The following MYO5B variants were observed in gnomAD, a reference collection of about 807,000 sequenced individuals.
The protein encoded by MYO5B is unconventional myosin-Vb.
MYO5B carries 143 observed loss-of-function variants against 229.3 expected under a neutral mutation model. The ratio of observed to expected loss-of-function variants is 0.62; its 90% confidence interval spans 0.54 to 0.72. The LOEUF (loss-of-function observed/expected upper bound fraction) is 0.72. MYO5B is among the 30% of genes least tolerant of loss of function. The pLI is 0.00. For synonymous variants in MYO5B, 918 were observed against 885.2 expected, an observed-to-expected ratio of 1.04 and a Z score of -0.66; for missense variants, 2,321 against 2,331.0, an observed-to-expected ratio of 1.00 and a Z score of 0.09.
At chr18:50,187,899 C>T (rs749586156) in intron 1 of MYO5B, among the ~76,000 whole-genome samples, 1 of 152,044 alleles carries the variant, frequency 6.6e-6, no homozygotes, top group Non-Finnish European at 1.5e-5. Context: ...GAGCTACAAC[C>T]CTAAAGGCAA....
At chr18:50,093,646 G>A (rs1254596457) in intron 1 of MYO5B, among the ~76,000 whole-genome samples, 2 of 152,114 alleles carry the variant, frequency 1.3e-5, no homozygotes, top group Non-Finnish European at 2.9e-5. Flanking sequence ...CAAAGACCTT[G>A]CTGATAAAGC....
At chr18:49,905,385 T>C (rs1320188413) in intron 19 of MYO5B, among the ~76,000 whole-genome samples, 1 of 152,158 alleles carries the variant, frequency 6.6e-6, no homozygotes, top group Non-Finnish European at 1.5e-5. Flanking sequence ...CTCTCCTCTC[T>C]TGCCTTTCTG....
chr18:49,957,724 T>C (rs913279726), intron 12 of MYO5B, among the ~76,000 whole-genome samples: 3 of 150,934 alleles, frequency 2.0e-5, no homozygotes, highest in Non-Finnish European at 4.4e-5. Context: ...AGTTATTCTA[T>C]GTCTGCTTCT....
chr18:49,852,568 A>G (rs1422392505), intron 31 of MYO5B, among the ~76,000 whole-genome samples: 2 of 152,148 alleles, frequency 1.3e-5, no homozygotes, highest in Non-Finnish European at 2.9e-5. Flanking sequence ...AATGACAGCC[A>G]TGGCCGGACT....
intron 19 of MYO5B, among the ~76,000 whole-genome samples, chr18:49,905,977 G>A (rs892610557): frequency 2.6e-5 from 4 of 152,180 alleles, no homozygotes; most frequent in African/African-American, 9.7e-5. Flanking sequence ...ACTCGCAAAA[G>A]GGGCCTCCCA....
chr18:49,899,078 GAC>G (rs1315168078), intron 21 of MYO5B, among the ~76,000 whole-genome samples: 1 of 152,132 alleles, frequency 6.6e-6, no homozygotes, highest in Admixed American at 6.5e-5. Flanking sequence ...ATACAACTGA[GAC>G]AGAACCCAGG....
intron 14 of MYO5B, among the ~76,000 whole-genome samples, chr18:49,948,003 T>C (rs947645201): frequency 1.3e-5 from 2 of 152,182 alleles, no homozygotes; most frequent in African/African-American, 4.8e-5. Context: ...CCTAATGCTA[T>C]CTACATACGT....
intron 2 of MYO5B, among the ~76,000 whole-genome samples, chr18:50,042,597 C>A (rs1293761534): frequency 6.6e-6 from 1 of 152,194 alleles, no homozygotes; most frequent in Admixed American, 6.5e-5. Context: ...TGGCGAATGT[C>A]CGAGGGCTGA....
In MYO5B at chr18:50,058,434, C is replaced by T. The variant is rs553085006; in HGVS notation, c.28-3056G>A. Among the ~76,000 whole-genome samples the T allele has an allele frequency of 7.9e-5, 12 of 152,332 alleles. No individual in the cohort carries two copies. The East Asian group carries it at 2.3e-3, about 29-fold the overall frequency. The stretch of plus-strand genomic sequence containing the variant: ...ACAGTGAGCTACAATTGTGCCACTG[C>T]ACTCCAGCCTGGACAACAAAATGAG... On this transcript the variant is annotated intron_variant, in intron 1 of 39. Coordinates refer to ENST00000285039, the MANE Select transcript of MYO5B (RefSeq NM_001080467.3).
Position 49,864,213 on chromosome 18 carries a change from G to A in MYO5B, c.3771C>T (p.Arg1257=). The A allele has an allele frequency of 6.2e-7, 1 of 1,613,806 alleles. No individual in the cohort carries two copies. Among genetic ancestry groups the A allele is most frequent in the African/African-American group, 1.3e-5 (1 of 75,078 alleles). Residue 1257 remains arginine, a synonymous_variant, in exon 28 of 40, where the codon CGC becomes CGT. Transcript: ENST00000285039. ...TCCTGAGGATGAGCACCTCCTCCTT[G>A]CGCACCTCGAGCTCCTCGTGGGCCA... The part of the protein sequence containing the change: ...LKLAHEELEV[R]KEEVLILRTQ...
intron 12 of MYO5B, among the ~76,000 whole-genome samples, chr18:49,957,037 G>GTA (rs2025500179): frequency 1.4e-5 from 2 of 147,194 alleles, no homozygotes; most frequent in South Asian, 4.4e-4. Flanking sequence ...CCACCAAATT[G>GTA]TATACTTTAA....
At chr18:50,184,895 G>C (rs4939952) in intron 1 of MYO5B, among the ~76,000 whole-genome samples, 1 of 25,644 alleles carries the variant, frequency 3.9e-5, no homozygotes, top group African/African-American at 1.5e-4. Flanking sequence ...CACACACACA[G>C]AAAAAAATAT....
chr18:50,160,432 C>T (rs1052045680), intron 1 of MYO5B, among the ~76,000 whole-genome samples: 2 of 152,148 alleles, frequency 1.3e-5, no homozygotes, highest in Non-Finnish European at 2.9e-5. Flanking sequence ...GTTCTGTGGA[C>T]CAGTTAATAT....
At chr18:50,143,705 T>A (rs896816771) in intron 1 of MYO5B, among the ~76,000 whole-genome samples, 3 of 152,068 alleles carry the variant, frequency 2.0e-5, no homozygotes, top group Non-Finnish European at 2.9e-5. Context: ...GAAAAAAATA[T>A]CTTAGAGGCT....
At chr18:50,134,554 CAATAAATA>C (rs57536679) in intron 1 of MYO5B, among the ~76,000 whole-genome samples, 16,853 of 141,356 alleles carry the variant, frequency 0.12, 1,085 homozygotes, top group Non-Finnish European at 0.14. Context: ...GACTCCATCT[CAATAAATA>C]AATAAATAAA....
At chr18:50,027,769 G>A (rs1251836221) in intron 4 of MYO5B, among the ~76,000 whole-genome samples, 3 of 152,134 alleles carry the variant, frequency 2.0e-5, no homozygotes, top group East Asian at 1.9e-4. Flanking sequence ...CAACAGACTC[G>A]TTACATCTGC....
intron 1 of MYO5B, among the ~76,000 whole-genome samples, chr18:50,065,268 C>T (rs1458572177): frequency 6.6e-6 from 1 of 152,192 alleles, no homozygotes; most frequent in Non-Finnish European, 1.5e-5. Flanking sequence ...TACACAACAG[C>T]CAGGCACTGT....
At chr18:49,847,411 T>C in intron 32 of MYO5B, 122 bp from the exon 33 acceptor site, 3 of 1,259,372 alleles carry the variant, frequency 2.4e-6, no homozygotes, top group Non-Finnish European at 3.4e-6. Flanking sequence ...CTCTGGCAGG[T>C]GGAGGATGGC....
At chr18:50,050,602 C>G (rs1026336848) in intron 2 of MYO5B, among the ~76,000 whole-genome samples, 2 of 152,184 alleles carry the variant, frequency 1.3e-5, no homozygotes, top group African/African-American at 4.8e-5. Flanking sequence ...GATCAACATT[C>G]AGTGCTGTCA....
Sources: allele counts gnomAD v4.1 joint callset (sites outside exome capture counted in the v4.1 genomes callset), GRCh38; gene constraint gnomAD v4.1.1; transcripts MANE v1.5; gene names NCBI Gene and HGNC (gene_info 2026-07-23, HGNC 2026-07-21).